RP2: variants seen among roughly 807,000 people sequenced by gnomAD.
RP2 encodes RP2 activator of ARL3 GTPase.
RP2 carries 3 observed loss-of-function variants against 20.3 expected under a neutral mutation model. That is an observed-to-expected ratio of 0.15 (90% CI 0.07 to 0.38). The LOEUF (loss-of-function observed/expected upper bound fraction) is 0.38. Among genes scored for constraint, RP2 ranks in the 10% least tolerant of loss-of-function variants. The pLI, the probability that RP2 is intolerant of heterozygous loss-of-function variation, is 1.00. For missense variants in RP2, 233 were observed against 268.5 expected, an observed-to-expected ratio of 0.87 and a Z score of 0.92; for synonymous variants, 75 against 94.8, an observed-to-expected ratio of 0.79 and a Z score of 1.22.
At chrX:46,865,832 G>A (rs1177768849) in intron 3 of RP2, among the ~76,000 whole-genome samples, 1 of 110,343 alleles carries the variant, frequency 9.1e-6, no homozygotes, top group Non-Finnish European at 1.9e-5. Flanking sequence ...GGAGGCTGAG[G>A]CAGGAGAATC....
At chrX:46,864,539 T>C (rs1925135016) in intron 3 of RP2, among the ~76,000 whole-genome samples, 1 of 109,418 alleles carries the variant, frequency 9.1e-6, no homozygotes, top group African/African-American at 3.3e-5. Flanking sequence ...GCCTCCTGGG[T>C]AGCTGGGACT....
chrX:46,842,471 T>C (rs1184203859), intron 1 of RP2, among the ~76,000 whole-genome samples: 5 of 112,062 alleles, frequency 4.5e-5, no homozygotes, highest in African/African-American at 1.6e-4. Context: ...CATACTACTA[T>C]TATTATATAT....
chrX:46,839,460 G>C (rs1184699154), intron 1 of RP2, among the ~76,000 whole-genome samples: 1 of 110,649 alleles, frequency 9.0e-6, no homozygotes, highest in Admixed American at 9.7e-5. Flanking sequence ...GCTGAGGTGG[G>C]AGGATCACCT....
chrX:46,855,885 C>A (rs913324853), intron 2 of RP2, among the ~76,000 whole-genome samples: 10 of 111,370 alleles, frequency 9.0e-5, no homozygotes, highest in Non-Finnish European at 1.3e-4. Context: ...ATATATTCCA[C>A]AATGTAGAAA....
In RP2 at chrX:46,856,931, T is replaced by A. The variant is rs185068015; in HGVS notation, c.768+2790T>A. ...TATTATATTGAGAGATTACATTTTTTAAAAAATGAGATGAGTTCGCAGGGA... is the reference window on the plus strand; with the variant it reads ...TATTATATTGAGAGATTACATTTTTAAAAAAATGAGATGAGTTCGCAGGGA... On this transcript the variant is annotated intron_variant, in intron 2 of 4. Coordinates refer to ENST00000218340, the MANE Select transcript of RP2 (RefSeq NM_006915.3). 3.6e-5 allele frequency among the ~76,000 whole-genome samples: 4 copies of A among 112,072 alleles called. No individual in the cohort carries two copies. In the East Asian group the frequency reaches 8.3e-4, roughly 23 times the overall value.
At chrX:46,854,292 A>AG in intron 2 of RP2, 151 bp downstream of exon 2, 1 of 515,896 alleles carries the variant, frequency 1.9e-6, no homozygotes, top group Non-Finnish European at 3.2e-6. Flanking sequence ...CAACAGACTC[A>AG]TCTGTAAGTA....
intron 1 of RP2, among the ~76,000 whole-genome samples, chrX:46,847,770 G>A (rs1438204735): frequency 1.3e-3 from 102 of 79,647 alleles, no homozygotes; most frequent in African/African-American, 4.7e-3. Context: ...ACACACATGT[G>A]TGTGTGTACA....
At chrX:46,865,273 T>A (rs1556322072) in intron 3 of RP2, among the ~76,000 whole-genome samples, 1 of 112,275 alleles carries the variant, frequency 8.9e-6, no homozygotes, top group Non-Finnish European at 1.9e-5. Flanking sequence ...CTGTGACAGA[T>A]GTGACATTTC....
chrX:46,839,710 G>C (rs1924582958), intron 1 of RP2, among the ~76,000 whole-genome samples: 1 of 111,756 alleles, frequency 8.9e-6, no homozygotes, highest in South Asian at 3.7e-4. Context: ...TACCTTAAAA[G>C]GAACAGATTG....
At chrX:46,868,002 T>G (rs1277563834) in intron 3 of RP2, among the ~76,000 whole-genome samples, 1 of 112,269 alleles carries the variant, frequency 8.9e-6, no homozygotes, top group Non-Finnish European at 1.9e-5. Context: ...TTCCTTGCTT[T>G]TGGATCTATA....
rs1924915594 is a variant in RP2 at position 46,854,138 on chromosome X, T to A, written c.765T>A (p.Asp255Glu). 8.3e-7 allele frequency: 1 copy of A among 1,205,365 alleles called. No homozygotes were observed. Among genetic ancestry groups the A allele is most frequent in the Non-Finnish European group, 1.1e-6 (1 of 890,047 alleles). Residue 255 changes from aspartate to glutamate, a missense_variant, in exon 2 of 5, where the codon GAT becomes GAA. Asp to Glu is a conservative substitution (Grantham distance 45, BLOSUM62 2). Around this residue, in one of 3 missense-constraint regions of RP2, gnomAD observed 118 missense variants for 123.8 expected, o/e 0.95. Transcript: ENST00000218340. Reference sequence around the variant, plus strand: ...TTGCAAATGCCAGAAAACTAATTGATGAGGTAAGGAGAAAGAGAAGAGAAA... The same window carrying A: ...TTGCAAATGCCAGAAAACTAATTGAAGAGGTAAGGAGAAAGAGAAGAGAAA... ...YTIANARKLIDEMVGKGFFLV... is the reference protein window; with the variant it reads ...YTIANARKLIEEMVGKGFFLV...
intron 3 of RP2, among the ~76,000 whole-genome samples, chrX:46,864,139 C>G (rs1925124608): frequency 1.8e-5 from 2 of 109,965 alleles, no homozygotes. Flanking sequence ...TGGCAAAACC[C>G]TGTCTCTACA....
In RP2 at chrX:46,872,726, G is replaced by A. The variant is rs187722030; in HGVS notation, c.884-4779G>A. 4.7e-4 allele frequency among the ~76,000 whole-genome samples: 52 copies of A among 110,602 alleles called. 1 individual carries two copies. The highest frequency in any genetic ancestry group is 9.1e-3 in the Middle Eastern group (2 of 219). The stretch of plus-strand genomic sequence containing the variant: ...GCTTTGAACTGTCTGGTGTTTTTTT[G>A]TTTGTTTGTTTGTTTGTGTGTTTGT... On this transcript the variant is annotated intron_variant, in intron 3 of 4. Coordinates refer to ENST00000218340, the MANE Select transcript of RP2 (RefSeq NM_006915.3).
intron 1 of RP2, among the ~76,000 whole-genome samples, chrX:46,840,174 T>A (rs1483814970): frequency 8.9e-6 from 1 of 112,124 alleles, no homozygotes; most frequent in Non-Finnish European, 1.9e-5. Flanking sequence ...GAGACAGGGT[T>A]TCACCTTGTT....
At chrX:46,855,433 TAAAGAC>T (rs782146007) in intron 2 of RP2, among the ~76,000 whole-genome samples, 22 of 111,009 alleles carry the variant, frequency 2.0e-4, no homozygotes, top group Non-Finnish European at 3.8e-4. Context: ...AAACCAAACT[TAAAGAC>T]ATAGAGAAGT....
At chrX:46,876,236 C>T (rs188260258) in intron 3 of RP2, among the ~76,000 whole-genome samples, 4 of 110,435 alleles carry the variant, frequency 3.6e-5, no homozygotes, top group Non-Finnish European at 7.6e-5. Flanking sequence ...CTTTCCATCT[C>T]AGTCCCTCGA....
intron 3 of RP2, among the ~76,000 whole-genome samples, chrX:46,877,003 T>G (rs1342001937): frequency 8.9e-6 from 1 of 112,358 alleles, no homozygotes; most frequent in Non-Finnish European, 1.9e-5. Flanking sequence ...GAAAATACTT[T>G]CAGATGGTCA....
chrX:46,866,298 T>G (rs1425447290), intron 3 of RP2, among the ~76,000 whole-genome samples: 1 of 111,934 alleles, frequency 8.9e-6, no homozygotes, highest in African/African-American at 3.3e-5. Flanking sequence ...CTAGGCCCTT[T>G]CAACAGACAA....
At chrX:46,864,342 CCTTT>C (rs1249682442) in intron 3 of RP2, among the ~76,000 whole-genome samples, 1 of 105,279 alleles carries the variant, frequency 9.5e-6, no homozygotes, top group African/African-American at 3.6e-5. Context: ...TTCCTTCCTT[CCTTT>C]CTTTTTTTTT....
Sources: gnomAD v4.1 joint callset for allele counts (sites outside exome capture counted in the v4.1 genomes callset) on GRCh38, gnomAD v4.1.1 for gene constraint, gnomAD v4.1.1 regional missense constraint, MANE v1.5 for transcripts, NCBI Gene and HGNC (gene_info 2026-07-23, HGNC 2026-07-21) for gene names.